The following ARHGEF3 variants were observed in gnomAD, a reference collection of about 807,000 sequenced individuals.
ARHGEF3 encodes the protein 59.8 kDA protein.
ARHGEF3 carries 28 observed loss-of-function variants against 63.2 expected under a neutral mutation model. That is an observed-to-expected ratio of 0.44 (90% CI 0.33 to 0.61). ARHGEF3 has a LOEUF of 0.61. Among genes scored for constraint, ARHGEF3 ranks in the 20% least tolerant of loss-of-function variants. The pLI, the probability that ARHGEF3 is intolerant of heterozygous loss-of-function variation, is 0.03. For missense variants in ARHGEF3, 533 were observed against 659.3 expected, an observed-to-expected ratio of 0.81 and a Z score of 2.10; for synonymous variants, 266 against 254.2, an observed-to-expected ratio of 1.05 and a Z score of -0.44.
chr3:56,875,388 G>A (rs1203990811), intron 4 of ARHGEF3, among the ~76,000 whole-genome samples: 4 of 152,170 alleles, frequency 2.6e-5, no homozygotes, highest in African/African-American at 9.7e-5. Flanking sequence ...ACCCATGTAA[G>A]TAACTCAATC....
intron 4 of ARHGEF3, among the ~76,000 whole-genome samples, chr3:56,812,366 T>C (rs776912171): frequency 4.3e-4 from 65 of 152,216 alleles, no homozygotes; most frequent in Non-Finnish European, 7.8e-4. Flanking sequence ...GCCTCTCAGA[T>C]ATGATAGAGC....
intron 4 of ARHGEF3, among the ~76,000 whole-genome samples, chr3:56,841,013 C>T (rs566106732): frequency 8.7e-4 from 132 of 152,270 alleles, no homozygotes; most frequent in African/African-American, 3.0e-3. Flanking sequence ...GAATATGTCA[C>T]CTGATCCTAA....
At chr3:56,873,029 T>A (rs2040479796) in intron 4 of ARHGEF3, among the ~76,000 whole-genome samples, 1 of 152,080 alleles carries the variant, frequency 6.6e-6, no homozygotes, top group African/African-American at 2.4e-5. Flanking sequence ...GACAGGATGT[T>A]GCTCTGACAC....
chr3:56,991,997 A>G (rs1006021783), intron 2 of ARHGEF3, among the ~76,000 whole-genome samples: 3 of 104,850 alleles, frequency 2.9e-5, no homozygotes, highest in African/African-American at 1.1e-4. Flanking sequence ...TCACTCACTC[A>G]CTCTCACTCT....
At chr3:56,972,715 G>A (rs764695381) in intron 2 of ARHGEF3, among the ~76,000 whole-genome samples, 17 of 152,028 alleles carry the variant, frequency 1.1e-4, no homozygotes, top group South Asian at 2.1e-4. Context: ...GAGCAAGAGC[G>A]GAGAGTCACA....
intron 2 of ARHGEF3, among the ~76,000 whole-genome samples, chr3:57,034,267 G>A (rs1703856086): frequency 6.7e-6 from 1 of 149,762 alleles, no homozygotes; most frequent in South Asian, 2.1e-4. Flanking sequence ...CTGAGGAGCT[G>A]GGATTACAGG....
At chr3:56,846,217 T>C (rs897421584) in intron 4 of ARHGEF3, among the ~76,000 whole-genome samples, 1 of 152,228 alleles carries the variant, frequency 6.6e-6, no homozygotes, top group African/African-American at 2.4e-5. Context: ...GCTTTATATA[T>C]GTCTTTAATA....
chr3:56,809,276 A>G (rs185820677), intron 4 of ARHGEF3, among the ~76,000 whole-genome samples: 1 of 152,226 alleles, frequency 6.6e-6, no homozygotes, highest in Non-Finnish European at 1.5e-5. Flanking sequence ...GTACACAAAT[A>G]TACTTTAAAA....
chr3:56,909,361 C>A (rs184397982), intron 3 of ARHGEF3, among the ~76,000 whole-genome samples: 7 of 152,172 alleles, frequency 4.6e-5, no homozygotes, highest in African/African-American at 1.7e-4. Context: ...CCACAAAGTG[C>A]GCATGGAAAT....
intron 2 of ARHGEF3, among the ~76,000 whole-genome samples, chr3:57,024,451 C>CAA (rs200217901): frequency 6.6e-6 from 1 of 150,714 alleles, no homozygotes; most frequent in African/African-American, 2.4e-5. Flanking sequence ...TGTAATAAAA[C>CAA]AAAAAAAAAT....
intron 1 of ARHGEF3, chr3:57,073,541 C>T (rs961011047): frequency 6.0e-6 from 8 of 1,323,394 alleles, no homozygotes; most frequent in Non-Finnish European, 7.0e-6. Flanking sequence ...GTTTGAGCAC[C>T]CCGGGATGAT....
chr3:56,739,086 C>T (rs1198775892), intron 7 of ARHGEF3, among the ~76,000 whole-genome samples: 1 of 152,056 alleles, frequency 6.6e-6, no homozygotes, highest in Non-Finnish European at 1.5e-5. Flanking sequence ...CAGAGCAAGA[C>T]TCCGTCTCAA....
chr3:56,995,707 G>A (rs75702298), intron 2 of ARHGEF3, among the ~76,000 whole-genome samples: 2,689 of 146,012 alleles, frequency 0.018, 90 homozygotes, highest in African/African-American at 0.065. Context: ...TGAGACCCCA[G>A]TAGAGAGAAA....
At chr3:56,795,649 C>G (rs1335145391) in intron 1 of ARHGEF3, among the ~76,000 whole-genome samples, 3 of 76,994 alleles carry the variant, frequency 3.9e-5, no homozygotes, top group African/African-American at 2.2e-4. Context: ...GACACAGTCT[C>G]TCTCTCTTTT....
intron 8 of ARHGEF3, among the ~76,000 whole-genome samples, chr3:56,735,483 A>C (rs78663884): frequency 0.011 from 1,681 of 152,238 alleles, 64 homozygotes; most frequent in East Asian, 0.095. Flanking sequence ...CTTTGTTCTC[A>C]AAAATCTATC....
At chr3:56,927,880 TTTTACATAAA>T (rs2042317198) in intron 3 of ARHGEF3, among the ~76,000 whole-genome samples, 1 of 152,242 alleles carries the variant, frequency 6.6e-6, no homozygotes, top group Admixed American at 6.5e-5. Context: ...TTACATTTGT[TTTTACATAAA>T]TATTTCTAAC....
At chr3:57,075,786 G>T (rs1360018734) in intron 1 of ARHGEF3, among the ~76,000 whole-genome samples, 1 of 152,024 alleles carries the variant, frequency 6.6e-6, no homozygotes, top group Non-Finnish European at 1.5e-5. Context: ...TGCCAGCCTG[G>T]GCAAGAAAGC....
upstream of ARHGEF3, chr3:56,802,007 G>C: frequency 6.9e-7 from 1 of 1,452,848 alleles, no homozygotes; most frequent in Non-Finnish European, 9.0e-7. Flanking sequence ...GGTGGGGAGG[G>C]GGCGGGCCGC....
intron 1 of ARHGEF3, among the ~76,000 whole-genome samples, chr3:57,062,710 A>ACACACACACAACAAACATG (rs1232984938): frequency 2.0e-5 from 3 of 152,138 alleles, no homozygotes; most frequent in Non-Finnish European, 4.4e-5. Context: ...ATGCACACAC[A>ACACACACACAACAAACATG]CACACACACA....
Sources: allele counts gnomAD v4.1 joint callset (sites outside exome capture counted in the v4.1 genomes callset), GRCh38; gene constraint gnomAD v4.1.1; transcripts MANE v1.5; gene names NCBI Gene and HGNC (gene_info 2026-07-23, HGNC 2026-07-21).